The following NFIA variants were observed in gnomAD, a reference collection of about 807,000 sequenced individuals.
NFIA encodes the protein nuclear factor I A, also known as nuclear factor 1 A-type.
A neutral mutation model predicts 62.8 loss-of-function variants in NFIA; 8 were observed. The observed-to-expected ratio is 0.13, with a 90% CI of 0.07 to 0.23. The LOEUF (loss-of-function observed/expected upper bound fraction) is 0.23. NFIA is among the 10% of genes least tolerant of loss of function. The probability of loss-of-function intolerance (pLI) is 1.00; values close to 1 mark genes in which losing one functional copy is unlikely to be tolerated. For synonymous variants in NFIA, 235 were observed against 238.1 expected, an observed-to-expected ratio of 0.99 and a Z score of 0.12; for missense variants, 410 against 642.1, an observed-to-expected ratio of 0.64 and a Z score of 3.91.
In NFIA at chr1:61,449,172, A is replaced by G. The variant is rs74089374; in HGVS notation, c.1513-6131A>G. On this transcript the variant is annotated intron_variant, in intron 10 of 10. Transcript: ENST00000403491. ...CCGCTGCAACAACTCTCCCGTCGGAACTGCCTGGAGTGGCTTGTGGAGACT... is the reference window on the plus strand; with the variant it reads ...CCGCTGCAACAACTCTCCCGTCGGAGCTGCCTGGAGTGGCTTGTGGAGACT... 3.7e-3 allele frequency among the ~76,000 whole-genome samples: 563 copies of G among 152,302 alleles called. 5 individuals carry two copies. Among genetic ancestry groups the G allele is most frequent in the African/African-American group, 0.013 (529 of 41,568 alleles).
At chr1:61,179,668 T>C (rs1326765382) in intron 2 of NFIA, among the ~76,000 whole-genome samples, 2 of 152,152 alleles carry the variant, frequency 1.3e-5, no homozygotes, top group African/African-American at 4.8e-5. Context: ...TCCTCAAATA[T>C]CCTGACGCTT....
At chr1:61,326,705 G>T (rs1468389115) in intron 3 of NFIA, among the ~76,000 whole-genome samples, 1 of 152,138 alleles carries the variant, frequency 6.6e-6, no homozygotes. Context: ...TCAGAAGGGA[G>T]AAAAAAAGTG....
chr1:61,113,472 T>C lies in NFIA; in HGVS notation c.559+24792T>C, dbSNP rs555965634. Among the ~76,000 whole-genome samples, 206 of 151,874 alleles carry C rather than the reference T, an allele frequency of 1.4e-3. 6 individuals carry two copies. In the South Asian group the frequency reaches 0.039, roughly 29 times the overall value. ...TACTAGGCATGGTGGCAGGCACCTG[T>C]AATCCCAGCTACTCTGGAGGCTGAG... On this transcript the variant is annotated intron_variant, in intron 2 of 10. Transcript: ENST00000403491.
chr1:61,418,443 G>A (rs1161369022), intron 9 of NFIA, among the ~76,000 whole-genome samples: 2 of 151,832 alleles, frequency 1.3e-5, no homozygotes, highest in Non-Finnish European at 2.9e-5. Context: ...CTGGGCAACA[G>A]AGCAAGACCC....
rs1668298708 is a variant in NFIA at position 61,456,349 on chromosome 1, T to C, written c.*1029T>C. The C allele has an allele frequency of 6.8e-6, 1 of 147,422 alleles. No individual in the cohort carries two copies. Among genetic ancestry groups the C allele is most frequent in the African/African-American group, 2.5e-5 (1 of 39,752 alleles). The allele number at this position is 147,422 out of a possible 1,614,324, so 9.1% of individuals were successfully genotyped here. On this transcript the variant is annotated 3_prime_UTR_variant, in exon 11 of 11. Transcript: ENST00000403491. ...TTTATGTTTTTTATTGTTAAACTTG[T>C]ATCCCTTTAAAAACTGAAGGAAATT...
At position 61,441,568 on chromosome 1, in the gene NFIA, T is replaced by C. The variant is rs146065698; in HGVS notation, c.1513-13735T>C. Reference sequence around the variant, plus strand: ...ATTTTGACTAATTTCTGTGCTAGCATTAATTAAATTGAAATTATTTAATTA... The same window carrying C: ...ATTTTGACTAATTTCTGTGCTAGCACTAATTAAATTGAAATTATTTAATTA... On this transcript the variant is annotated intron_variant, in intron 10 of 10. Transcript: ENST00000403491. Among the ~76,000 whole-genome samples, 645 of 152,332 alleles carry C rather than the reference T, an allele frequency of 4.2e-3. 3 individuals are homozygous for C. The highest frequency in any genetic ancestry group is 0.014 in the African/African-American group (593 of 41,574).
At position 61,438,631 on chromosome 1, in the gene NFIA, G is replaced by A. The variant is rs182308721; in HGVS notation, c.1512+12075G>A. Among the ~76,000 whole-genome samples the A allele has an allele frequency of 5.3e-5, 8 of 152,078 alleles. No homozygotes were observed. The East Asian group carries it at 1.4e-3, about 26-fold the overall frequency. ...AGGAGCAAGTTAAAGTTCAACTAAC[G>A]TCGCCAGTTTCTCGTTGTAAGGATA... is the stretch of plus-strand genomic sequence containing the variant. On this transcript the variant is annotated intron_variant, in intron 10 of 10. Coordinates refer to ENST00000403491, the MANE Select transcript of NFIA (RefSeq NM_001134673.4).
At chr1:61,431,686 C>G (rs894086813) in intron 10 of NFIA, among the ~76,000 whole-genome samples, 1 of 152,266 alleles carries the variant, frequency 6.6e-6, no homozygotes, top group African/African-American at 2.4e-5. Context: ...ACACACTTCA[C>G]TGTGCTGGAA....
intron 9 of NFIA, among the ~76,000 whole-genome samples, chr1:61,426,074 A>G (rs1040849441): frequency 6.6e-6 from 1 of 152,156 alleles, no homozygotes; most frequent in African/African-American, 2.4e-5. Context: ...TTGTAAAATG[A>G]ACTGCTTTCC....
At chr1:61,448,928 C>T (rs1557447776) in intron 10 of NFIA, among the ~76,000 whole-genome samples, 1 of 152,194 alleles carries the variant, frequency 6.6e-6, no homozygotes, top group Non-Finnish European at 1.5e-5. Context: ...TGTGTATGCA[C>T]TCTCAAGGTT....
intron 2 of NFIA, among the ~76,000 whole-genome samples, chr1:61,262,359 G>C (rs150131432): frequency 1.3e-5 from 2 of 152,306 alleles, no homozygotes; most frequent in East Asian, 3.9e-4. Context: ...CTACTGGTGA[G>C]ATGTTACTTT....
Position 61,461,705 on chromosome 1 carries a change from G to A in NFIA, c.*6385G>A, listed in dbSNP as rs926958331. 5.3e-5 allele frequency: 8 copies of A among 152,108 alleles called. No individual in the cohort carries two copies. The highest frequency in any genetic ancestry group is 3.9e-4 in the East Asian group (2 of 5,190). The allele number at this position is 152,108 out of a possible 1,614,324, so 9.4% of individuals were successfully genotyped here. On this transcript the variant is annotated 3_prime_UTR_variant, in exon 11 of 11. Coordinates refer to ENST00000403491, the MANE Select transcript of NFIA (RefSeq NM_001134673.4). Reference sequence around the variant, plus strand: ...CTGAGTTTTACATGTAGATGCATTCGCCTATTTGATTCAGAAAAATAAACT... The same window carrying A: ...CTGAGTTTTACATGTAGATGCATTCACCTATTTGATTCAGAAAAATAAACT...
intron 2 of NFIA, among the ~76,000 whole-genome samples, chr1:61,256,459 T>G (rs930012216): frequency 7.3e-6 from 1 of 137,154 alleles, no homozygotes; most frequent in Non-Finnish European, 1.6e-5. Flanking sequence ...AAAAAAAAAA[T>G]CTCATAATGT....
chr1:61,323,700 A>G (rs1660789469), intron 3 of NFIA, among the ~76,000 whole-genome samples: 1 of 152,268 alleles, frequency 6.6e-6, no homozygotes, highest in Admixed American at 6.5e-5. Context: ...ACTGTTTTCC[A>G]AGATAATCTA....
intron 10 of NFIA, among the ~76,000 whole-genome samples, chr1:61,453,443 C>CTTTTTTTTTTTTTTTT (rs11336299): frequency 8.9e-5 from 7 of 78,866 alleles, no homozygotes; most frequent in Admixed American, 1.7e-4. Flanking sequence ...TGTGAAGAAA[C>CTTTTTTTTTTTTTTTT]TTTTTTTTTT....
chr1:61,419,233 A>G (rs952134825), intron 9 of NFIA, among the ~76,000 whole-genome samples: 10 of 152,198 alleles, frequency 6.6e-5, no homozygotes, highest in African/African-American at 2.4e-4. Context: ...GCTTGAAACC[A>G]GGAGTTCCAA....
chr1:61,302,987 A>G (rs770167593), intron 3 of NFIA, among the ~76,000 whole-genome samples: 3 of 152,192 alleles, frequency 2.0e-5, no homozygotes, highest in Non-Finnish European at 4.4e-5. Flanking sequence ...CATTCTAAAA[A>G]TGCTTTTAAA....
At chr1:61,239,077 C>G (rs1557655487) in intron 2 of NFIA, among the ~76,000 whole-genome samples, 1 of 152,162 alleles carries the variant, frequency 6.6e-6, no homozygotes, top group Non-Finnish European at 1.5e-5. Context: ...CAATCCCAAT[C>G]TTGCTGTAAG....
At chr1:61,156,957 A>G (rs1648859088) in intron 2 of NFIA, among the ~76,000 whole-genome samples, 1 of 152,200 alleles carries the variant, frequency 6.6e-6, no homozygotes, top group Admixed American at 6.5e-5. Flanking sequence ...GAGGCAAAAA[A>G]ATTAAAGCTC....
Sources: allele counts gnomAD v4.1 joint callset (sites outside exome capture counted in the v4.1 genomes callset), GRCh38; gene constraint gnomAD v4.1.1; transcripts MANE v1.5; gene names NCBI Gene and HGNC (gene_info 2026-07-23, HGNC 2026-07-21).